KCNIP4: variants seen among roughly 807,000 people sequenced by gnomAD.
KCNIP4 encodes the protein potassium voltage-gated channel interacting protein 4, also known as Kv channel-interacting protein 4.
In KCNIP4, 12 loss-of-function variants were observed where a neutral mutation model predicts 34.0. That is an observed-to-expected ratio of 0.35 (90% CI 0.23 to 0.57). The LOEUF (loss-of-function observed/expected upper bound fraction) is 0.57. KCNIP4 is among the 20% of genes least tolerant of loss of function. The pLI is 0.83. For synonymous variants in KCNIP4, 124 were observed against 102.2 expected, an observed-to-expected ratio of 1.21 and a Z score of -1.29; for missense variants, 238 against 311.7, an observed-to-expected ratio of 0.76 and a Z score of 1.78.
rs539551371 is a variant in KCNIP4 at position 20,978,441 on chromosome 4, C to T, written c.62-95732G>A. Among the ~76,000 whole-genome samples, 43 of 152,262 alleles carry T rather than the reference C, an allele frequency of 2.8e-4. No individual in the cohort carries two copies. The South Asian group carries it at 7.9e-3, about 28-fold the overall frequency. On this transcript the variant is annotated intron_variant, in intron 1 of 8. Transcript: ENST00000382152. ...TAACTTCTATTTACCAAGCACTGTG[C>T]TAAACAGCAAGGATAACTGTACAAT...
chr4:21,229,295 C>A (rs1185449103), intron 1 of KCNIP4, among the ~76,000 whole-genome samples: 1 of 152,156 alleles, frequency 6.6e-6, no homozygotes, highest in Non-Finnish European at 1.5e-5. Flanking sequence ...GTAATAATAG[C>A]TCAATCTGCT....
intron 1 of KCNIP4, among the ~76,000 whole-genome samples, chr4:21,206,198 G>C (rs73109434): frequency 0.028 from 4,317 of 152,254 alleles, 202 homozygotes; most frequent in African/African-American, 0.099. Flanking sequence ...GTAAAGAATG[G>C]AGACTCTTTG....
intron 1 of KCNIP4, among the ~76,000 whole-genome samples, chr4:20,951,757 A>C (rs919319071): frequency 3.9e-5 from 6 of 152,226 alleles, no homozygotes; most frequent in African/African-American, 1.4e-4. Flanking sequence ...TTATGGAAGA[A>C]AGCAAGAAAA....
chr4:20,835,462 TA>T (rs1049852719), intron 3 of KCNIP4, among the ~76,000 whole-genome samples: 1 of 152,010 alleles, frequency 6.6e-6, no homozygotes, highest in Non-Finnish European at 1.5e-5. Context: ...ATTATTATTT[TA>T]AAAAAACCTA....
chr4:21,541,940 G>A (rs75943863), intron 1 of KCNIP4, among the ~76,000 whole-genome samples: 9,323 of 152,068 alleles, frequency 0.061, 416 homozygotes, highest in South Asian at 0.17. Context: ...ACCAAGCCCC[G>A]CCTAATTTTC....
At position 21,719,368 on chromosome 4, in the gene KCNIP4, G is replaced by A. The variant is rs566965140; in HGVS notation, c.61+229203C>T. On this transcript the variant is annotated intron_variant, in intron 1 of 8. Transcript: ENST00000382152. Reference sequence around the variant, plus strand: ...GTTTCAGCTGCTGCTAACAGACGTTGCATAGAGAACCTATGGGGAGAACAG... The same window carrying A: ...GTTTCAGCTGCTGCTAACAGACGTTACATAGAGAACCTATGGGGAGAACAG... Among the ~76,000 whole-genome samples, 20 of 152,274 alleles carry A rather than the reference G, an allele frequency of 1.3e-4. No homozygotes were observed. In the South Asian group the frequency reaches 4.1e-3, roughly 32 times the overall value.
intron 1 of KCNIP4, among the ~76,000 whole-genome samples, chr4:21,191,510 T>C (rs1332937569): frequency 6.6e-6 from 1 of 152,152 alleles, no homozygotes; most frequent in African/African-American, 2.4e-5. Flanking sequence ...TTTCTGAGTA[T>C]GTCAGGATGA....
intron 3 of KCNIP4, among the ~76,000 whole-genome samples, chr4:20,841,551 A>C (rs764657600): frequency 1.1e-4 from 17 of 152,090 alleles, no homozygotes; most frequent in Non-Finnish European, 1.6e-4. Flanking sequence ...AATCCAAAAC[A>C]TCACGACGTC....
At chr4:20,923,856 A>C (rs961283723) in intron 1 of KCNIP4, among the ~76,000 whole-genome samples, 1 of 151,976 alleles carries the variant, frequency 6.6e-6, no homozygotes, top group African/African-American at 2.4e-5. Context: ...ACATTGCATT[A>C]AAATTTTTTT....
At chr4:21,563,392 T>C (rs1407794555) in intron 1 of KCNIP4, among the ~76,000 whole-genome samples, 1 of 152,124 alleles carries the variant, frequency 6.6e-6, no homozygotes, top group Non-Finnish European at 1.5e-5. Context: ...TGTGTGAATA[T>C]TGACACATTG....
chr4:20,849,025 C>T (rs745448486), intron 3 of KCNIP4, among the ~76,000 whole-genome samples: 7 of 152,188 alleles, frequency 4.6e-5, no homozygotes, highest in Non-Finnish European at 5.9e-5. Flanking sequence ...CAAATACCTG[C>T]TGTCTCTGAA....
At chr4:21,075,998 G>A (rs1745454827) in intron 1 of KCNIP4, among the ~76,000 whole-genome samples, 1 of 152,116 alleles carries the variant, frequency 6.6e-6, no homozygotes, top group Non-Finnish European at 1.5e-5. Flanking sequence ...AGTTTCTGCT[G>A]AGAGATCCAC....
At chr4:21,798,162 T>C (rs1020529090) in intron 1 of KCNIP4, among the ~76,000 whole-genome samples, 12 of 151,876 alleles carry the variant, frequency 7.9e-5, no homozygotes, top group African/African-American at 2.9e-4. Flanking sequence ...ACACACATCT[T>C]ATTCTAGGAG....
In KCNIP4 at chr4:21,264,312, G is replaced by GT. The variant is rs1761661283; in HGVS notation, c.62-381604_62-381603insA. Among the ~76,000 whole-genome samples, 5 of 152,176 alleles carry GT rather than the reference G, an allele frequency of 3.3e-5. No homozygotes were observed. The South Asian group carries it at 8.3e-4, about 25-fold the overall frequency. The stretch of plus-strand genomic sequence containing the variant: ...TAATTCACTAATTTATTCAATTAAT[G>GT]ATATTTATCCAACATCTAGATATGC... On this transcript the variant is annotated intron_variant, in intron 1 of 8. Coordinates refer to ENST00000382152, the MANE Select transcript of KCNIP4 (RefSeq NM_025221.6).
intron 1 of KCNIP4, among the ~76,000 whole-genome samples, chr4:21,683,752 C>A (rs1750586011): frequency 6.6e-6 from 1 of 152,070 alleles, no homozygotes; most frequent in Non-Finnish European, 1.5e-5. Context: ...AGTTAAAAAA[C>A]AATGCTTACT....
At position 21,304,103 on chromosome 4, in the gene KCNIP4, G is replaced by C. The variant is rs1282931117; in HGVS notation, c.62-421394C>G. 10 of 546,666 alleles carry C rather than the reference G, an allele frequency of 1.8e-5. No individual in the cohort carries two copies. The South Asian group carries it at 3.1e-4, about 17-fold the overall frequency. The allele number at this position is 546,666 out of a possible 1,614,324, so 33.9% of individuals were successfully genotyped here. ...AGAGAGAGACAGAGAGAGAGAGAGA[G>C]AGAGACAGAGGAGAGAGAGGGAGAG... On this transcript the variant is annotated intron_variant, in intron 1 of 8. Coordinates refer to ENST00000382152, the MANE Select transcript of KCNIP4 (RefSeq NM_025221.6).
intron 1 of KCNIP4, among the ~76,000 whole-genome samples, chr4:21,106,512 C>A (rs758257450): frequency 2.0e-5 from 3 of 151,352 alleles, no homozygotes; most frequent in African/African-American, 2.5e-5. Flanking sequence ...GTCTTGCTAG[C>A]AGTCTATCAA....
At chr4:20,742,408 T>G (rs1333627642) in intron 5 of KCNIP4, among the ~76,000 whole-genome samples, 1 of 152,144 alleles carries the variant, frequency 6.6e-6, no homozygotes, top group East Asian at 1.9e-4. Flanking sequence ...CAAGGCTGGT[T>G]CAACATACAC....
At chr4:21,515,204 G>T (rs759928637) in intron 1 of KCNIP4, among the ~76,000 whole-genome samples, 70 of 152,038 alleles carry the variant, frequency 4.6e-4, no homozygotes, top group Non-Finnish European at 8.2e-4. Context: ...AGTGATGGGG[G>T]CTCCTGATCT....
Sources: gnomAD v4.1 joint callset for allele counts (sites outside exome capture counted in the v4.1 genomes callset) on GRCh38, gnomAD v4.1.1 for gene constraint, MANE v1.5 for transcripts, NCBI Gene and HGNC (gene_info 2026-07-23, HGNC 2026-07-21) for gene names.